The following JAZF1 variants were observed in gnomAD, a reference collection of about 807,000 sequenced individuals.
JAZF1 encodes JAZF zinc finger 1.
JAZF1 carries 8 observed loss-of-function variants against 26.4 expected under a neutral mutation model. That is an observed-to-expected ratio of 0.30 (90% CI 0.18 to 0.55). The LOEUF (loss-of-function observed/expected upper bound fraction) is 0.55, where lower values mean the gene tolerates loss of function less well. JAZF1 is among the 20% of genes least tolerant of loss of function. JAZF1 has a pLI of 0.94. For synonymous variants in JAZF1, 126 were observed against 122.3 expected, an observed-to-expected ratio of 1.03 and a Z score of -0.20; for missense variants, 199 against 322.0, an observed-to-expected ratio of 0.62 and a Z score of 2.92.
At chr7:28,054,172 T>C (rs1364305842) in intron 1 of JAZF1, among the ~76,000 whole-genome samples, 1 of 152,214 alleles carries the variant, frequency 6.6e-6, no homozygotes, top group Non-Finnish European at 1.5e-5. Flanking sequence ...TACTTAAATA[T>C]ACAAAGCACT....
At chr7:28,048,948 G>A (rs1298915448) in intron 1 of JAZF1, among the ~76,000 whole-genome samples, 6 of 151,396 alleles carry the variant, frequency 4.0e-5, no homozygotes, top group Non-Finnish European at 8.8e-5. Flanking sequence ...GTCCAGAAGA[G>A]GCATGAGGAA....
At chr7:28,067,457 A>G (rs565540050) in intron 1 of JAZF1, among the ~76,000 whole-genome samples, 1 of 152,314 alleles carries the variant, frequency 6.6e-6, no homozygotes, top group East Asian at 1.9e-4. Context: ...AGAGGTGACC[A>G]CACAGCACAG....
In JAZF1 at chr7:28,051,687, T is replaced by TA. The variant is rs558033651; in HGVS notation, c.116-59707dup. ...AGCCTCACCCATCACACTTCCCCAC[T>TA]AAAAAAATGTCCTGGGGTTCATATG... On this transcript the variant is annotated intron_variant, in intron 1 of 4. Transcript: ENST00000283928. 4.1e-3 allele frequency among the ~76,000 whole-genome samples: 618 copies of TA among 152,062 alleles called. 6 individuals carry two copies. Among genetic ancestry groups the TA allele is most frequent in the African/African-American group, 0.014 (591 of 41,494 alleles).
At chr7:27,871,157 C>T (rs569208673) in intron 3 of JAZF1, among the ~76,000 whole-genome samples, 82 of 152,328 alleles carry the variant, frequency 5.4e-4, no homozygotes, top group Non-Finnish European at 9.8e-4. Context: ...TGAATAACTT[C>T]GCTGTTCCTC....
chr7:28,135,877 C>T (rs974756449), intron 1 of JAZF1, among the ~76,000 whole-genome samples: 7 of 152,154 alleles, frequency 4.6e-5, no homozygotes, highest in Non-Finnish European at 1.0e-4. Flanking sequence ...AGATTATCAA[C>T]CAATTCATCT....
At chr7:28,010,416 G>A (rs562538248) in intron 1 of JAZF1, among the ~76,000 whole-genome samples, 4 of 152,170 alleles carry the variant, frequency 2.6e-5, no homozygotes, top group South Asian at 2.1e-4. Context: ...CCTAGGTCCC[G>A]GGTGCCTCAA....
In JAZF1 at chr7:27,832,442, T is replaced by A. The variant is rs1176099059; in HGVS notation, c.*358A>T. 2 of 233,364 alleles carry A rather than the reference T, an allele frequency of 8.6e-6. No individual in the cohort carries two copies. Among genetic ancestry groups the A allele is most frequent in the Non-Finnish European group, 1.7e-5 (2 of 118,172 alleles). 14.5% of individuals were successfully genotyped at this position (233,364 alleles called of 1,614,324 possible). A position where few individuals can be genotyped will look rare whatever the true frequency, so the allele number is the denominator to read the frequency against. Reference sequence around the variant, plus strand: ...TCACATTACAATCTTGAAAAAAAAATCTCAGTGCCAGCCCCTCCTCCCCCC... The same window carrying A: ...TCACATTACAATCTTGAAAAAAAAAACTCAGTGCCAGCCCCTCCTCCCCCC... On this transcript the variant is annotated 3_prime_UTR_variant, in exon 5 of 5. Transcript: ENST00000283928.
chr7:28,150,353 A>G (rs73091208), intron 1 of JAZF1, among the ~76,000 whole-genome samples: 14,780 of 152,310 alleles, frequency 0.097, 901 homozygotes, highest in South Asian at 0.2. Flanking sequence ...TGGATTTCAC[A>G]AAGCAGGCCA....
rs150939236 is a variant in JAZF1 at position 28,164,095 on chromosome 7, C to T, written c.115+16368G>A. On this transcript the variant is annotated intron_variant, in intron 1 of 4. Transcript: ENST00000283928. ...AAACCATGTCCCTACTAGCTGCTGC[C>T]CCTTCAGCCTGGTTCCCAGAAGGAA... 4.8e-3 allele frequency among the ~76,000 whole-genome samples: 734 copies of T among 152,320 alleles called. 7 individuals carry two copies. Among genetic ancestry groups the T allele is most frequent in the African/African-American group, 0.017 (705 of 41,570 alleles).
chr7:28,039,401 G>A (rs954180141), intron 1 of JAZF1, among the ~76,000 whole-genome samples: 4 of 152,170 alleles, frequency 2.6e-5, no homozygotes, highest in African/African-American at 9.7e-5. Flanking sequence ...AGAAAGAAGT[G>A]TAACATGTTT....
chr7:27,993,340 A>G (rs568384555), intron 1 of JAZF1, among the ~76,000 whole-genome samples: 55 of 152,290 alleles, frequency 3.6e-4, no homozygotes, highest in Non-Finnish European at 6.0e-4. Context: ...GCGCTTCCTC[A>G]GTACACATGC....
intron 2 of JAZF1, among the ~76,000 whole-genome samples, chr7:27,937,470 C>T (rs1438958756): frequency 6.6e-6 from 1 of 152,132 alleles, no homozygotes; most frequent in African/African-American, 2.4e-5. Flanking sequence ...GAACTTTTGC[C>T]TTTAGGATGT....
intron 1 of JAZF1, among the ~76,000 whole-genome samples, chr7:28,166,440 G>A (rs763963037): frequency 1.8e-4 from 28 of 152,114 alleles, no homozygotes; most frequent in Non-Finnish European, 3.8e-4. Context: ...GGAAGGCATG[G>A]CATTTTGTGA....
intron 1 of JAZF1, among the ~76,000 whole-genome samples, chr7:28,140,195 G>C (rs1335647570): frequency 2.6e-5 from 4 of 150,968 alleles, no homozygotes; most frequent in African/African-American, 9.8e-5. Flanking sequence ...CAATTCTCCT[G>C]CCTCAGCCTC....
intron 2 of JAZF1, among the ~76,000 whole-genome samples, chr7:27,929,877 G>T (rs1475639505): frequency 2.0e-5 from 3 of 151,592 alleles, no homozygotes; most frequent in African/African-American, 7.3e-5. Context: ...TTATCTCTGG[G>T]GAGCAAAATT....
chr7:27,910,530 G>C (rs1784343939), intron 2 of JAZF1, among the ~76,000 whole-genome samples: 1 of 152,188 alleles, frequency 6.6e-6, no homozygotes, highest in African/African-American at 2.4e-5. Context: ...TCCCAGGAAT[G>C]CATGCGTCCC....
chr7:28,020,598 T>C (rs952201067), intron 1 of JAZF1: 3 of 471,274 alleles, frequency 6.4e-6, no homozygotes, highest in East Asian at 6.9e-5. Context: ...ACAACAACCA[T>C]GTCTTCATTT....
At chr7:28,040,007 G>A (rs1373023730) in intron 1 of JAZF1, among the ~76,000 whole-genome samples, 4 of 152,150 alleles carry the variant, frequency 2.6e-5, no homozygotes, top group African/African-American at 9.7e-5. Flanking sequence ...CAGGTCTGAT[G>A]TTATTAAAGT....
intron 1 of JAZF1, among the ~76,000 whole-genome samples, chr7:28,102,355 C>T (rs886551263): frequency 4.6e-5 from 7 of 152,168 alleles, no homozygotes; most frequent in African/African-American, 2.4e-5. Context: ...GAATAAAATG[C>T]CTGGCGATAG....
Sources: gnomAD v4.1 joint callset for allele counts (sites outside exome capture counted in the v4.1 genomes callset) on GRCh38, gnomAD v4.1.1 for gene constraint, MANE v1.5 for transcripts, NCBI Gene and HGNC (gene_info 2026-07-23, HGNC 2026-07-21) for gene names.